Variants in DLGAP2 observed in about 807,000 individuals in gnomAD.
The protein encoded by DLGAP2 is DLG associated protein 2, also known as disks large-associated protein 2.
Under a neutral mutation model 100.3 loss-of-function variants are expected in DLGAP2, and 26 were observed. That is an observed-to-expected ratio of 0.26 (90% CI 0.19 to 0.36). DLGAP2 has a LOEUF of 0.36. Ranked by LOEUF, DLGAP2 falls within the 10% of genes least tolerant of loss-of-function variation. DLGAP2 has a pLI of 1.00. For synonymous variants in DLGAP2, 886 were observed against 630.1 expected, an observed-to-expected ratio of 1.41 and a Z score of -6.08; for missense variants, 1,858 against 1,453.2, an observed-to-expected ratio of 1.28 and a Z score of -4.53.
chr8:1,394,912 T>C (rs182650832), intron 3 of DLGAP2, among the ~76,000 whole-genome samples: 20 of 20 alleles, frequency 1, 10 homozygotes, highest in Non-Finnish European at 1. Context: ...CCTTGTCCTC[T>C]GGAGTCGTGT....
At chr8:1,345,817 T>A (rs1801541806) in intron 3 of DLGAP2, among the ~76,000 whole-genome samples, 1 of 152,238 alleles carries the variant, frequency 6.6e-6, no homozygotes, top group Non-Finnish European at 1.5e-5. Context: ...TACCTCAGCA[T>A]TGTTGTAAAA....
intron 3 of DLGAP2, among the ~76,000 whole-genome samples, chr8:1,453,056 G>C (rs1180567497): frequency 1.3e-5 from 2 of 152,112 alleles, no homozygotes; most frequent in East Asian, 3.9e-4. Flanking sequence ...CATTTCTCTG[G>C]GGTGCAAATG....
intron 1 of DLGAP2, among the ~76,000 whole-genome samples, chr8:817,120 G>A (rs1465292139): frequency 2.1e-5 from 3 of 144,448 alleles, no homozygotes; most frequent in Non-Finnish European, 4.5e-5. Context: ...CAGCCTGGGC[G>A]ACACAGCGAG....
At position 1,159,504 on chromosome 8, in the gene DLGAP2, G is replaced by A. The variant is rs554009130; in HGVS notation, c.74-99347G>A. Reference sequence around the variant, plus strand: ...GTATGGAGCATTGCACTTGGTTTATGGAGACACTGGATTTTTAGTTATTAG... The same window carrying A: ...GTATGGAGCATTGCACTTGGTTTATAGAGACACTGGATTTTTAGTTATTAG... On this transcript the variant is annotated intron_variant, in intron 2 of 14. Coordinates refer to ENST00000637795, the MANE Select transcript of DLGAP2 (RefSeq NM_001346810.2). 4.6e-5 allele frequency among the ~76,000 whole-genome samples: 7 copies of A among 152,288 alleles called. 1 individual carries two copies. In the South Asian group the frequency reaches 1.5e-3, roughly 32 times the overall value.
intron 2 of DLGAP2, among the ~76,000 whole-genome samples, chr8:1,068,542 C>T (rs907508865): frequency 1.3e-5 from 2 of 152,122 alleles, no homozygotes; most frequent in South Asian, 2.1e-4. Flanking sequence ...AAGGCTGTCC[C>T]GGTGGCTAGC....
intron 5 of DLGAP2, among the ~76,000 whole-genome samples, chr8:1,556,941 C>T (rs780418448): frequency 4.6e-5 from 7 of 150,984 alleles, no homozygotes; most frequent in Admixed American, 2.0e-4. Flanking sequence ...CTCAGCACAG[C>T]GGGATGGGGG....
At chr8:1,219,795 A>T (rs915740599) in intron 2 of DLGAP2, among the ~76,000 whole-genome samples, 2 of 151,976 alleles carry the variant, frequency 1.3e-5, no homozygotes, top group African/African-American at 4.8e-5. Flanking sequence ...AGAACTCATT[A>T]TTGGTCTGTT....
chr8:1,024,173 CCT>C (rs1801715600), intron 2 of DLGAP2, among the ~76,000 whole-genome samples: 1 of 101,708 alleles, frequency 9.8e-6, no homozygotes, highest in African/African-American at 2.7e-5. Context: ...ACCCACCCTC[CCT>C]GGGGGTGGAC....
At chr8:1,048,584 C>G (rs1046960105) in intron 2 of DLGAP2, among the ~76,000 whole-genome samples, 1 of 151,538 alleles carries the variant, frequency 6.6e-6, no homozygotes, top group African/African-American at 2.4e-5. Context: ...TAGCAAAGTA[C>G]AATGGTGAAT....
At chr8:1,216,759 C>T (rs544646387) in intron 2 of DLGAP2, among the ~76,000 whole-genome samples, 1 of 152,260 alleles carries the variant, frequency 6.6e-6, no homozygotes, top group East Asian at 1.9e-4. Context: ...ATCCTCTCTT[C>T]CCCCACCAAA....
chr8:918,285 T>C (rs371198424), intron 2 of DLGAP2, among the ~76,000 whole-genome samples: 1 of 152,218 alleles, frequency 6.6e-6, no homozygotes, highest in Non-Finnish European at 1.5e-5. Flanking sequence ...AAAATATGCC[T>C]CTGTTATTTG....
chr8:1,191,371 C>G (rs1033974714), intron 2 of DLGAP2, among the ~76,000 whole-genome samples: 1 of 152,008 alleles, frequency 6.6e-6, no homozygotes, highest in South Asian at 2.1e-4. Flanking sequence ...GGGATTTCAC[C>G]GTGTTAGCCA....
At chr8:784,508 G>GTTCA (rs1483525160) in intron 1 of DLGAP2, among the ~76,000 whole-genome samples, 1 of 152,218 alleles carries the variant, frequency 6.6e-6, no homozygotes, top group African/African-American at 2.4e-5. Context: ...ATACTAACGT[G>GTTCA]TTCATATGTG....
intron 3 of DLGAP2, among the ~76,000 whole-genome samples, chr8:1,456,324 C>A (rs7012498): frequency 0.017 from 2,543 of 152,330 alleles, 74 homozygotes; most frequent in African/African-American, 0.058. Flanking sequence ...CCACCCTGTA[C>A]GTATTCATCA....
chr8:1,621,971 A>G (rs1210555140), intron 6 of DLGAP2: 3 of 152,362 alleles, frequency 2.0e-5, no homozygotes, highest in South Asian at 2.1e-4. Context: ...AGAAAGCTCA[A>G]GAACACTTTT....
chr8:1,000,052 T>C (rs1800901872), intron 2 of DLGAP2, among the ~76,000 whole-genome samples: 1 of 146,634 alleles, frequency 6.8e-6, no homozygotes, highest in Non-Finnish European at 1.5e-5. Context: ...TGCACTGGAT[T>C]TTCTCTAGAG....
chr8:1,632,777 A>T (rs1021382957), intron 7 of DLGAP2, 50 bp from the exon 8 acceptor site: 6 of 1,534,994 alleles, frequency 3.9e-6, no homozygotes, highest in African/African-American at 2.7e-5. Context: ...CTGTAACGTG[A>T]TGGTGACCCT....
intron 2 of DLGAP2, among the ~76,000 whole-genome samples, chr8:915,374 G>A (rs4735957): frequency 6.6e-6 from 1 of 151,914 alleles, no homozygotes; most frequent in Non-Finnish European, 1.5e-5. Flanking sequence ...GGTGAAACCC[G>A]GTCTCTACTA....
At chr8:1,655,365 CT>C (rs1211846077) in intron 8 of DLGAP2, among the ~76,000 whole-genome samples, 2 of 152,204 alleles carry the variant, frequency 1.3e-5, no homozygotes, top group Non-Finnish European at 2.9e-5. Context: ...ACTGTAATTC[CT>C]TTTATGCTAT....
Sources: gnomAD v4.1 joint callset for allele counts (sites outside exome capture counted in the v4.1 genomes callset) on GRCh38, gnomAD v4.1.1 for gene constraint, MANE v1.5 for transcripts, NCBI Gene and HGNC (gene_info 2026-07-23, HGNC 2026-07-21) for gene names.